Variants in SLX9 observed in about 807,000 individuals in gnomAD.
The protein encoded by SLX9 is ribosome biogenesis protein SLX9 homolog.
Under a neutral mutation model 20.8 loss-of-function variants are expected in SLX9, and 19 were observed. That is an observed-to-expected ratio of 0.91 (90% confidence interval 0.64 to 1.34). The LOEUF (loss-of-function observed/expected upper bound fraction) is 1.34, where lower values mean the gene tolerates loss of function less well. Among genes scored for constraint, SLX9 ranks in the 40% most tolerant of loss-of-function variants. The pLI is 0.00. For missense variants in SLX9, 299 were observed against 322.2 expected (o/e 0.93, Z 0.55); for synonymous variants, 113 against 137.1 (o/e 0.82, Z 1.23).
chr21:44,967,180 A>T lies in SLX9; in HGVS notation c.499A>T (p.Ser167Cys), dbSNP rs758520408. 6.3e-7 allele frequency: 1 copy of T among 1,578,814 alleles called. No individual in the cohort carries two copies. The highest frequency in any genetic ancestry group is 1.4e-5 in the African/African-American group (1 of 73,848). The change falls in exon 4 of 6, where the codon AGC becomes TGC. Residue 167 changes from serine (S) to cysteine (C), a missense_variant and splice_region_variant. Transcript: ENST00000291634. ...GGCTGGCAGCCGGCGCCAAGCCCGC[A>T]GGTGAGTGTCCGGGAGGGGTGGCCC... ...LEAGSRRQAR[S>C]RESNKPRPSE...
intron 2 of SLX9, among the ~76,000 whole-genome samples, chr21:44,953,497 C>T (rs1256522992): frequency 6.6e-6 from 1 of 151,972 alleles, no homozygotes; most frequent in South Asian, 2.1e-4. Flanking sequence ...GCACCATCCC[C>T]GGCGGTGGGG....
At chr21:44,939,799 C>T (rs2084504310), upstream of SLX9, 1 of 562,946 alleles carries the variant, frequency 1.8e-6, no homozygotes, top group Non-Finnish European at 3.3e-6. Context: ...TTGGGTCCCC[C>T]ACGATCTAGA....
At chr21:44,945,650 C>T (rs1384861105) in intron 2 of SLX9, among the ~76,000 whole-genome samples, 1 of 152,234 alleles carries the variant, frequency 6.6e-6, no homozygotes, top group Non-Finnish European at 1.5e-5. Flanking sequence ...AGGTCGTGCC[C>T]AGCAGCCCTG....
At chr21:44,940,249 G>T (rs1601361844) in intron 1 of SLX9, 63 bp downstream of exon 1, 1 of 1,198,958 alleles carries the variant, frequency 8.3e-7, no homozygotes, top group African/African-American at 1.6e-5. Flanking sequence ...GAGCTGCGGG[G>T]CGCCGCCTCC....
rs560935707 is a variant in SLX9, at chr21:44,959,324, G to A, written c.284-776G>A. On this transcript the variant is annotated intron_variant, in intron 2 of 5. Coordinates refer to ENST00000291634, the MANE Select transcript of SLX9 (RefSeq NM_058190.4). ...AATGCAGCCGAGGCTGAACCGTCTC[G>A]GGAAATCAGTTAAGGCCGAGGAAAT... The A allele has an allele frequency of 5.0e-5, 47 of 947,620 alleles. 1 individual carries two copies. The East Asian group carries it at 3.6e-3, about 72-fold the overall frequency. 58.7% of individuals were successfully genotyped at this position (947,620 alleles called of 1,614,324 possible). A position where few individuals can be genotyped will look rare whatever the true frequency, so the allele number is the denominator to read the frequency against.
chr21:44,963,222 G>A (rs1280188978), intron 3 of SLX9, among the ~76,000 whole-genome samples: 5 of 151,792 alleles, frequency 3.3e-5, no homozygotes, highest in Admixed American at 1.3e-4. Flanking sequence ...CTGAGTAGCC[G>A]GGACTACAGG....
intron 3 of SLX9, among the ~76,000 whole-genome samples, chr21:44,965,753 G>A (rs966246674): frequency 6.6e-6 from 1 of 152,142 alleles, no homozygotes; most frequent in African/African-American, 2.4e-5. Flanking sequence ...TGAGGTGCGG[G>A]CCTTTGTGTC....
intron 1 of SLX9, among the ~76,000 whole-genome samples, chr21:44,942,657 T>C (rs1459041319): frequency 1.3e-5 from 2 of 152,230 alleles, no homozygotes; most frequent in African/African-American, 4.8e-5. Flanking sequence ...TACCCATTCA[T>C]TGAAGTTTTA....
intron 2 of SLX9, among the ~76,000 whole-genome samples, chr21:44,953,345 C>A (rs1217503258): frequency 1.3e-5 from 2 of 152,170 alleles, no homozygotes; most frequent in African/African-American, 2.4e-5. Flanking sequence ...TAGGTGGGGC[C>A]CCCAGACTAG....
intron 3 of SLX9, among the ~76,000 whole-genome samples, chr21:44,966,553 C>T (rs751146966): frequency 1.3e-5 from 2 of 152,246 alleles, no homozygotes; most frequent in Non-Finnish European, 2.9e-5. Context: ...TCAGCCCTAC[C>T]TGCCACCCCC....
At chr21:44,975,614 C>A (rs996206360) in intron 5 of SLX9, among the ~76,000 whole-genome samples, 4 of 152,278 alleles carry the variant, frequency 2.6e-5, no homozygotes, top group African/African-American at 9.6e-5. Flanking sequence ...CTTCCCCTGG[C>A]CTCGGCTCCT....
intron 3 of SLX9, among the ~76,000 whole-genome samples, chr21:44,966,099 C>T (rs544342938): frequency 6.6e-6 from 1 of 152,096 alleles, no homozygotes; most frequent in African/African-American, 2.4e-5. Context: ...GGTAAACACA[C>T]CCTGCTACAG....
chr21:44,973,015 C>T (rs2085184121), intron 4 of SLX9, 182 bp from the exon 5 acceptor site: 1 of 709,820 alleles, frequency 1.4e-6, no homozygotes, highest in Admixed American at 2.7e-5. Context: ...GGCAGTTGCA[C>T]TGCTTGTCCA....
intron 2 of SLX9, among the ~76,000 whole-genome samples, chr21:44,956,336 T>G (rs1464037790): frequency 6.6e-6 from 1 of 152,206 alleles, no homozygotes; most frequent in Non-Finnish European, 1.5e-5. Flanking sequence ...GCCTTTTTAA[T>G]GTATTTAATC....
rs768055719 is a variant in SLX9, at chr21:44,943,813, CG to C, written c.261del (p.Ser88AlafsTer21). ...GAGAGGTGAGGCAGGCTCGAGTGCA[CG>C]GAGCGTCCCTTCCATCAGGAGAGGT... is the stretch of plus-strand genomic sequence containing the variant. ...VRRGEAGSSA[R>X]SVPSIRRGAE... On this transcript the variant is annotated frameshift_variant, in exon 2 of 6. Coordinates refer to ENST00000291634, the MANE Select transcript of SLX9 (RefSeq NM_058190.4). LOFTEE classifies it high-confidence loss of function. The C allele has an allele frequency of 2.7e-5, 44 of 1,612,762 alleles. 1 individual carries two copies. In the East Asian group the frequency reaches 6.9e-4, roughly 25 times the overall value.
At chr21:44,955,564 G>A (rs1341303989) in intron 2 of SLX9, among the ~76,000 whole-genome samples, 1 of 152,122 alleles carries the variant, frequency 6.6e-6, no homozygotes, top group African/African-American at 2.4e-5. Flanking sequence ...CACCCAGGCT[G>A]GAGTGCAGTG....
At chr21:44,956,609 G>A (rs2084862233) in intron 2 of SLX9, among the ~76,000 whole-genome samples, 1 of 152,220 alleles carries the variant, frequency 6.6e-6, no homozygotes, top group African/African-American at 2.4e-5. Context: ...CAGCAGCATC[G>A]CGTAGTGTGT....
At chr21:44,963,496 A>G (rs2084983236) in intron 3 of SLX9, among the ~76,000 whole-genome samples, 1 of 151,574 alleles carries the variant, frequency 6.6e-6, no homozygotes, top group Non-Finnish European at 1.5e-5. Context: ...CCTAATCCCA[A>G]GTCATGAAGA....
chr21:44,943,204 G>GGGA (rs2084581184), intron 1 of SLX9, among the ~76,000 whole-genome samples: 1 of 152,164 alleles, frequency 6.6e-6, no homozygotes, highest in African/African-American at 2.4e-5. Flanking sequence ...GCAGGGATGA[G>GGGA]TGTGGCTCAG....
Sources: gnomAD v4.1 joint callset for allele counts (sites outside exome capture counted in the v4.1 genomes callset) on GRCh38, gnomAD v4.1.1 for gene constraint, MANE v1.5 for transcripts, NCBI Gene and HGNC (gene_info 2026-07-23, HGNC 2026-07-21) for gene names.